Variants in RALY observed in about 807,000 individuals in gnomAD.
RALY encodes RNA-binding protein Raly.
Under a neutral mutation model 30.7 loss-of-function variants are expected in RALY, and 15 were observed. The ratio of observed to expected loss-of-function variants is 0.49; its 90% confidence interval spans 0.33 to 0.75. The LOEUF (loss-of-function observed/expected upper bound fraction) is 0.75, where lower values mean the gene tolerates loss of function less well. RALY is among the 30% of genes least tolerant of loss of function. RALY has a pLI of 0.02. For missense variants in RALY, 339 were observed against 414.3 expected (o/e 0.82, Z 1.58); for synonymous variants, 177 against 170.8 (o/e 1.04, Z -0.28).
intron 1 of RALY, among the ~76,000 whole-genome samples, chr20:34,015,605 C>T (rs1251321361): frequency 6.6e-6 from 1 of 151,936 alleles, no homozygotes; most frequent in African/African-American, 2.4e-5. Flanking sequence ...TTTTAACCTC[C>T]CACAGTGCTG....
intron 1 of RALY, among the ~76,000 whole-genome samples, chr20:34,028,740 CAG>C (rs1347739305): frequency 7.4e-6 from 1 of 135,940 alleles, no homozygotes; most frequent in South Asian, 2.3e-4. Flanking sequence ...AAAAACATGG[CAG>C]AGAGAGTGGC....
chr20:34,000,858 G>GT (rs1197766611), intron 1 of RALY, among the ~76,000 whole-genome samples: 1 of 152,192 alleles, frequency 6.6e-6, no homozygotes, highest in Admixed American at 6.5e-5. Flanking sequence ...CATGTTAATT[G>GT]TAATTATCTA....
At chr20:34,007,664 C>T (rs1303466070) in intron 1 of RALY, among the ~76,000 whole-genome samples, 1 of 151,448 alleles carries the variant, frequency 6.6e-6, no homozygotes, top group African/African-American at 2.4e-5. Flanking sequence ...TACTAAAATA[C>T]AAAAAATTAG....
chr20:34,013,177 G>A (rs1173310160), intron 1 of RALY, among the ~76,000 whole-genome samples: 2 of 151,890 alleles, frequency 1.3e-5, no homozygotes, highest in East Asian at 1.9e-4. Flanking sequence ...GGTAAGTTAG[G>A]TGTATTAAAT....
intron 1 of RALY, among the ~76,000 whole-genome samples, chr20:34,028,004 A>G (rs369461164): frequency 7.9e-5 from 12 of 152,176 alleles, no homozygotes; most frequent in African/African-American, 2.2e-4. Flanking sequence ...CAGAAATCTT[A>G]TAACTGGCTG....
intron 2 of RALY, among the ~76,000 whole-genome samples, chr20:34,059,556 C>T (rs2123208457): frequency 6.6e-6 from 1 of 152,298 alleles, no homozygotes; most frequent in Admixed American, 6.5e-5. Context: ...AACTGTGAAC[C>T]TCAGAAAAGT....
chr20:34,055,077 C>T (rs1404752920), intron 2 of RALY, among the ~76,000 whole-genome samples: 1 of 151,996 alleles, frequency 6.6e-6, no homozygotes, highest in East Asian at 1.9e-4. Flanking sequence ...ATGAGAAAAC[C>T]AGGCACAGAG....
intron 1 of RALY, among the ~76,000 whole-genome samples, chr20:34,029,500 G>GGGAGGGAT: frequency 8.4e-6 from 1 of 119,668 alleles, no homozygotes; most frequent in Non-Finnish European, 1.7e-5. Flanking sequence ...GAGGGAGGGA[G>GGGAGGGAT]GGAGGGAGGG....
chr20:34,021,140 T>G (rs1251222737), intron 1 of RALY, among the ~76,000 whole-genome samples: 1 of 151,988 alleles, frequency 6.6e-6, no homozygotes, highest in African/African-American at 2.4e-5. Flanking sequence ...TTTTGTATTG[T>G]TAGTAGAGAT....
chr20:34,023,228 C>T (rs2031896278), intron 1 of RALY, among the ~76,000 whole-genome samples: 1 of 152,210 alleles, frequency 6.6e-6, no homozygotes, highest in African/African-American at 2.4e-5. Context: ...CACCATTTTA[C>T]AAATGTGAGG....
intron 2 of RALY, among the ~76,000 whole-genome samples, chr20:34,056,305 C>T (rs772666532): frequency 2.1e-4 from 32 of 152,208 alleles, no homozygotes; most frequent in Non-Finnish European, 2.6e-4. Flanking sequence ...ACTCATCCTT[C>T]AGGACAAGAT....
At position 34,025,686 on chromosome 20, in the gene RALY, T is replaced by A. The variant is rs534710964; in HGVS notation, c.-92-5836T>A. Among the ~76,000 whole-genome samples the A allele has an allele frequency of 3.2e-3, 458 of 144,864 alleles. 2 individuals carry two copies. The highest frequency in any genetic ancestry group is 7.5e-3 in the African/African-American group (292 of 39,102). On this transcript the variant is annotated intron_variant, in intron 1 of 9. Coordinates refer to ENST00000246194, the MANE Select transcript of RALY (RefSeq NM_016732.3). ...AGAGTTCTGTAGGGACATGCTATTT[T>A]AAAAAAAAAAAAAAAAATTGTTTTA... is the stretch of plus-strand genomic sequence containing the variant.
chr20:33,997,289 A>G (rs1440012911), intron 1 of RALY, among the ~76,000 whole-genome samples: 1 of 151,916 alleles, frequency 6.6e-6, no homozygotes, highest in Non-Finnish European at 1.5e-5. Flanking sequence ...TAATTTTTGT[A>G]TTTTTAGTAC....
chr20:33,997,438 G>A (rs1053124975), intron 1 of RALY, among the ~76,000 whole-genome samples: 1 of 152,032 alleles, frequency 6.6e-6, no homozygotes, highest in African/African-American at 2.4e-5. Context: ...AAATAGAACC[G>A]AGATAACTCC....
chr20:34,005,130 TAGAC>T (rs375175689), intron 1 of RALY, among the ~76,000 whole-genome samples: 1 of 152,178 alleles, frequency 6.6e-6, no homozygotes, highest in South Asian at 2.1e-4. Context: ...TTTGTCAAGA[TAGAC>T]AGGGTGCTAG....
chr20:34,034,257 C>G (rs535647961), intron 2 of RALY, among the ~76,000 whole-genome samples: 33 of 152,320 alleles, frequency 2.2e-4, no homozygotes, highest in Middle Eastern at 3.4e-3. Flanking sequence ...TTGTTCTCCC[C>G]CTTCACCAAC....
In RALY at chr20:34,080,715, T is replaced by G. The variant is rs1463903478; in HGVS notation, c.*810T>G. 2 of 152,508 alleles carry G rather than the reference T, an allele frequency of 1.3e-5. No homozygotes were observed. The highest frequency in any genetic ancestry group is 4.8e-5 in the African/African-American group (2 of 41,432). The allele number at this position is 152,508 out of a possible 1,614,324, so 9.4% of individuals were successfully genotyped here. On this transcript the variant is annotated 3_prime_UTR_variant, in exon 10 of 10. Transcript: ENST00000246194. ...TTCTGAAACGTATCCCTTCCCTGCCTAAAATCCCTTTACTGACTCTTCATC... is the reference window on the plus strand; with the variant it reads ...TTCTGAAACGTATCCCTTCCCTGCCGAAAATCCCTTTACTGACTCTTCATC...
chr20:34,025,305 C>CT (rs1285232565), intron 1 of RALY, among the ~76,000 whole-genome samples: 1 of 71,850 alleles, frequency 1.4e-5, no homozygotes, highest in African/African-American at 6.7e-5. Context: ...CTCTCTCTCT[C>CT]TCTCTTTTTT....
intron 2 of RALY, chr20:34,049,220 A>G (rs978113678): frequency 1.8e-4 from 28 of 154,238 alleles, no homozygotes; most frequent in Non-Finnish European, 3.1e-4. Context: ...GGAAGAGATG[A>G]GATGTTAAGG....
Sources: allele counts gnomAD v4.1 joint callset (sites outside exome capture counted in the v4.1 genomes callset), GRCh38; gene constraint gnomAD v4.1.1; transcripts MANE v1.5; gene names NCBI Gene and HGNC (gene_info 2026-07-23, HGNC 2026-07-21).